Variants in PFKFB3 observed in about 807,000 individuals in gnomAD.
The protein encoded by PFKFB3 is 6-phosphofructo-2-kinase/fructose-2,6-biphosphatase 3.
A neutral mutation model predicts 68.0 loss-of-function variants in PFKFB3; 33 were observed. That is an observed-to-expected ratio of 0.49 (90% CI 0.37 to 0.65). The LOEUF (loss-of-function observed/expected upper bound fraction) is 0.65, where lower values mean the gene tolerates loss of function less well. Among genes scored for constraint, PFKFB3 ranks in the 30% least tolerant of loss-of-function variants. The pLI is 0.00. For missense variants in PFKFB3, 586 were observed against 712.2 expected (o/e 0.82, Z 2.02); for synonymous variants, 315 against 288.2 (o/e 1.09, Z -0.94).
intron 1 of PFKFB3, among the ~76,000 whole-genome samples, chr10:6,171,083 G>A (rs1317541656): frequency 6.6e-6 from 1 of 152,132 alleles, no homozygotes; most frequent in African/African-American, 2.4e-5. Context: ...CCAGGCTGGA[G>A]TGCAGTGGTG....
At chr10:6,213,900 A>T (rs1844396728) in intron 2 of PFKFB3, 152 bp downstream of exon 2, 1 of 758,484 alleles carries the variant, frequency 1.3e-6, no homozygotes, top group Non-Finnish European at 2.1e-6. Context: ...GGTCCCCTTC[A>T]CACTGTGTCT....
chr10:6,210,356 G>GTTTTTTTTTTTTTTTTTTTTT (rs762723368), intron 1 of PFKFB3, among the ~76,000 whole-genome samples: 5 of 44,484 alleles, frequency 1.1e-4, no homozygotes, highest in African/African-American at 2.3e-4. Flanking sequence ...GTTTTTTTTT[G>GTTTTTTTTTTTTTTTTTTTTT]TTTTTTTGTT....
At chr10:6,288,556 G>A in the PFKFB3 span, among the ~76,000 whole-genome samples, 2 of 151,748 alleles carry the variant, frequency 1.3e-5, no homozygotes, top group Non-Finnish European at 2.9e-5. Context: ...TGGCTGCATA[G>A]TATTCCATGG....
intron 1 of PFKFB3, among the ~76,000 whole-genome samples, chr10:6,192,478 G>T (rs2131825816): frequency 6.7e-6 from 1 of 149,788 alleles, no homozygotes; most frequent in Admixed American, 6.8e-5. Flanking sequence ...GCTGTGGCTT[G>T]CCAGCCTAGG....
chr10:6,192,527 C>T lies in PFKFB3; in HGVS notation c.17-21096C>T, dbSNP rs528141090. On this transcript the variant is annotated intron_variant, in intron 1 of 14. Coordinates refer to the PFKFB3 transcript ENST00000379789. ...ATGTGTTTACACTGCAGTCATGGGCCGGCCTTGCCTGGCCCCTGCGGGTCA... is the reference window on the plus strand; with the variant it reads ...ATGTGTTTACACTGCAGTCATGGGCTGGCCTTGCCTGGCCCCTGCGGGTCA... Among the ~76,000 whole-genome samples, 5 of 152,264 alleles carry T rather than the reference C, an allele frequency of 3.3e-5. No homozygotes were observed. In the South Asian group the frequency reaches 6.2e-4, roughly 19 times the overall value.
the PFKFB3 span, among the ~76,000 whole-genome samples, chr10:6,269,441 G>A: frequency 6.6e-6 from 1 of 152,146 alleles, no homozygotes; most frequent in African/African-American, 2.4e-5. Flanking sequence ...CTACAGGTAT[G>A]CACCACTGCA....
intron 1 of PFKFB3, among the ~76,000 whole-genome samples, chr10:6,182,430 G>C (rs1053740500): frequency 3.9e-5 from 6 of 152,140 alleles, no homozygotes; most frequent in African/African-American, 1.4e-4. Context: ...GGAAGGAAGC[G>C]GTCCTGGTGC....
chr10:6,224,607 C>G, intron 13 of PFKFB3: 4 of 398,196 alleles, frequency 1.0e-5, no homozygotes, highest in South Asian at 7.3e-5. Context: ...CAGCCTCCCG[C>G]GTAGCTGAGA....
intron 14 of PFKFB3, among the ~76,000 whole-genome samples, chr10:6,248,936 G>A (rs1310530538): frequency 6.6e-6 from 1 of 152,076 alleles, no homozygotes. Context: ...CACTTTGGGA[G>A]GCCAAGGCAG....
chr10:6,180,329 A>G (rs1453388384), intron 1 of PFKFB3, among the ~76,000 whole-genome samples: 1 of 152,206 alleles, frequency 6.6e-6, no homozygotes, highest in African/African-American at 2.4e-5. Flanking sequence ...ATTTTTTCCT[A>G]ACATTAACAA....
At chr10:6,314,221 A>T in the PFKFB3 span, among the ~76,000 whole-genome samples, 1 of 152,380 alleles carries the variant, frequency 6.6e-6, no homozygotes, top group East Asian at 1.9e-4. Context: ...ACTTTGGTTT[A>T]ATTGAATACC....
intron 14 of PFKFB3, among the ~76,000 whole-genome samples, chr10:6,252,677 G>A (rs1174698061): frequency 1.3e-5 from 2 of 152,106 alleles, no homozygotes; most frequent in Non-Finnish European, 2.9e-5. Flanking sequence ...AAAACTATGT[G>A]ATAATTAAAA....
intron 1 of PFKFB3, among the ~76,000 whole-genome samples, chr10:6,146,979 C>A (rs1204332298): frequency 6.6e-6 from 1 of 152,258 alleles, no homozygotes; most frequent in Non-Finnish European, 1.5e-5. Flanking sequence ...GTCTGCGTTT[C>A]CCGGTCACCC....
Position 6,219,553 on chromosome 10 carries a change from CT to C in PFKFB3, c.499-13del. On this transcript the variant is annotated splice_polypyrimidine_tract_variant and intron_variant, in intron 6 of 14. Transcript: ENST00000379775. ...TTCCAGCGTGATTTATCAGCCACCC[CT>C]TTGTGGTGTTGCAGGAAGTTAAAAT... is the stretch of plus-strand genomic sequence containing the variant. 6 of 1,613,974 alleles carry C rather than the reference CT, an allele frequency of 3.7e-6. No individual in the cohort carries two copies. Among genetic ancestry groups the C allele is most frequent in the Non-Finnish European group, 5.1e-6 (6 of 1,179,910 alleles).
At chr10:6,232,521 C>T (rs1232606717) in intron 14 of PFKFB3, among the ~76,000 whole-genome samples, 11 of 152,124 alleles carry the variant, frequency 7.2e-5, no homozygotes, top group East Asian at 5.8e-4. Flanking sequence ...TTGGAGGCCC[C>T]GGGCTCATCC....
At chr10:6,311,012 C>A in the PFKFB3 span, among the ~76,000 whole-genome samples, 27,104 of 151,858 alleles carry the variant, frequency 0.18, 2,581 homozygotes, top group Middle Eastern at 0.24. Context: ...AGAAAAAAAA[C>A]CCATGGAATT....
the PFKFB3 span, among the ~76,000 whole-genome samples, chr10:6,280,782 C>T: frequency 7.9e-5 from 12 of 151,340 alleles, no homozygotes; most frequent in Admixed American, 7.2e-4. Flanking sequence ...GAGTGAGGCA[C>T]ATGCTTTTTT....
the PFKFB3 span, among the ~76,000 whole-genome samples, chr10:6,264,295 T>A: frequency 6.6e-6 from 1 of 152,242 alleles, no homozygotes; most frequent in Non-Finnish European, 1.5e-5. Context: ...CTTACTCTGT[T>A]CTTATTCAAG....
the PFKFB3 span, among the ~76,000 whole-genome samples, chr10:6,303,939 A>G: frequency 6.6e-6 from 1 of 152,152 alleles, no homozygotes; most frequent in African/African-American, 2.4e-5. Flanking sequence ...TGCACCCCAC[A>G]GTCTCACCTG....
Sources: gnomAD v4.1 joint callset for allele counts (sites outside exome capture counted in the v4.1 genomes callset) on GRCh38, gnomAD v4.1.1 for gene constraint, MANE v1.5 for transcripts, NCBI Gene and HGNC (gene_info 2026-07-23, HGNC 2026-07-21) for gene names.